The following ATP5F1D variants were observed in gnomAD, a reference collection of about 807,000 sequenced individuals.
ATP5F1D encodes ATP synthase F(1) complex subunit delta, mitochondrial.
Under a neutral mutation model 13.0 loss-of-function variants are expected in ATP5F1D, and 16 were observed. The observed-to-expected ratio is 1.23, with a 90% CI of 0.83 to 1.87. ATP5F1D has a LOEUF of 1.87. Among genes scored for constraint, ATP5F1D ranks in the 40% most tolerant of loss-of-function variants. The probability of loss-of-function intolerance (pLI) is 0.00; values close to 1 mark genes in which losing one functional copy is unlikely to be tolerated. For synonymous variants in ATP5F1D, 129 were observed against 116.2 expected, an observed-to-expected ratio of 1.11 and a Z score of -0.71; for missense variants, 294 against 246.2, an observed-to-expected ratio of 1.19 and a Z score of -1.30.
Position 1,242,545 on chromosome 19 carries a change from G to A in ATP5F1D, c.231G>A (p.Leu77=). 1 of 1,547,366 alleles carries A rather than the reference G, an allele frequency of 6.5e-7. No homozygotes were observed. The highest frequency in any genetic ancestry group is 8.7e-7 in the Non-Finnish European group (1 of 1,145,262). Reference sequence around the variant, plus strand: ...TCCTGGCGGCCCACGTGCCCACGCTGCAGGTCCTGCGGCCGGGGCTGGTCG... The same window carrying A: ...TCCTGGCGGCCCACGTGCCCACGCTACAGGTCCTGCGGCCGGGGCTGGTCG... ...FGILAAHVPT[L]QVLRPGLVVV... The change falls in exon 2 of 4, where the codon CTG becomes CTA. Residue 77 remains leucine, a synonymous_variant. Transcript: ENST00000215375.
chr19:1,242,798 C>T (rs550222756), intron 2 of ATP5F1D, 189 bp downstream of exon 2: 9 of 616,856 alleles, frequency 1.5e-5, no homozygotes, highest in Admixed American at 8.4e-5. Flanking sequence ...GGAGACCAGC[C>T]TGGCCAACAT....
chr19:1,243,684 G>T (rs920416131), intron 2 of ATP5F1D, among the ~76,000 whole-genome samples: 12 of 152,174 alleles, frequency 7.9e-5, no homozygotes, highest in African/African-American at 2.4e-4. Flanking sequence ...AACCATGTTG[G>T]GAGGGCTGAT....
chr19:1,241,981 C>A lies in ATP5F1D; in HGVS notation c.131C>A (p.Ser44Tyr). The A allele has an allele frequency of 6.8e-7, 1 of 1,464,872 alleles. No individual in the cohort carries two copies. Among genetic ancestry groups the A allele is most frequent in the Admixed American group, 2.3e-5 (1 of 42,616 alleles). 90.7% of individuals were successfully genotyped at this position (1,464,872 alleles called of 1,614,324 possible). The change falls in exon 1 of 4, where the codon TCT becomes TAT. Residue 44 changes from serine (S) to tyrosine (Y), a missense_variant. Transcript: ENST00000215375. Reference protein sequence around the residue: ...GPNQMSFTFASPTQVFFNGAN... With the variant: ...GPNQMSFTFAYPTQVFFNGAN... ...AACCAGATGTCCTTCACCTTCGCCT[C>A]TCCCACGCAGGTTCGGGCGCTGCGG...
rs2081037721 is a variant in ATP5F1D at position 1,241,754 on chromosome 19, C to T, written c.-97C>T. ...TCTCGCCGGGACTCCTCCTCCCAGA[C>T]GTCCCTGCGCGTCGTCCTCCTCGCC... On this transcript the variant is annotated 5_prime_UTR_variant, in exon 1 of 4. In the 5' UTR this introduces an upstream ATG that the reference lacks. Coordinates refer to ENST00000215375, the MANE Select transcript of ATP5F1D (RefSeq NM_001687.5). 8.2e-7 allele frequency: 1 copy of T among 1,215,162 alleles called. No homozygotes were observed. Among genetic ancestry groups the T allele is most frequent in the African/African-American group, 1.6e-5 (1 of 62,606 alleles). 75.3% of individuals were successfully genotyped at this position (1,215,162 alleles called of 1,614,324 possible). A position where few individuals can be genotyped will look rare whatever the true frequency, so the allele number is the denominator to read the frequency against.
rs985260640 is a variant in ATP5F1D, at chr19:1,241,837, C to G, written c.-14C>G. On this transcript the variant is annotated 5_prime_UTR_variant, in exon 1 of 4. Transcript: ENST00000215375. ...TGTCCGCCAGCTACCCGCTTCCTGC[C>G]GCCCGCCGCTGCCATGCTGCCCGCC... is the stretch of plus-strand genomic sequence containing the variant. The G allele has an allele frequency of 2.3e-6, 3 of 1,326,582 alleles. No individual in the cohort carries two copies. The highest frequency in any genetic ancestry group is 2.9e-6 in the Non-Finnish European group (3 of 1,043,074). The allele number at this position is 1,326,582 out of a possible 1,614,324, so 82.2% of individuals were successfully genotyped here.
At chr19:1,242,184 C>T in intron 1 of ATP5F1D, 193 bp downstream of exon 1, 1 of 847,790 alleles carries the variant, frequency 1.2e-6, no homozygotes, top group Non-Finnish European at 1.6e-6. Flanking sequence ...GGCACCTCCC[C>T]GAGATAAGCG....
chr19:1,244,425 G>C lies in ATP5F1D; in HGVS notation c.495G>C (p.Lys165Asn). Residue 165 changes from lysine (K) to asparagine (N), a missense_variant, in exon 4 of 4, where the codon AAG becomes AAC. Lys to Asn is a moderately conservative substitution (Grantham distance 94). Transcript: ENST00000215375. ...TCGAGGCCAACGAGGCCCTGGTGAA[G>C]GCCCTGGAGTAGGCGGTGCGTACCC... ...IRIEANEALVKALE is the reference protein window; with the variant it reads ...IRIEANEALVNALE 1 of 1,558,454 alleles carries C rather than the reference G, an allele frequency of 6.4e-7. No homozygotes were observed. The highest frequency in any genetic ancestry group is 1.2e-5 in the South Asian group (1 of 84,574).
At chr19:1,242,846 G>A in intron 2 of ATP5F1D, 1 of 371,848 alleles carries the variant, frequency 2.7e-6, no homozygotes, top group South Asian at 8.6e-5. Context: ...CAGAAAACTG[G>A]CCGGGTGCGG....
intron 2 of ATP5F1D, chr19:1,242,819 C>T (rs924964948): frequency 3.2e-5 from 15 of 471,500 alleles, no homozygotes; most frequent in Admixed American, 1.4e-4. Context: ...GATGTAACCC[C>T]GTCTCTTCTA....
At chr19:1,242,641 C>T in intron 2 of ATP5F1D, 32 bp downstream of exon 2, 1 of 1,461,950 alleles carries the variant, frequency 6.8e-7, no homozygotes, top group Non-Finnish European at 9.1e-7. Flanking sequence ...AGGGCCAGGC[C>T]AGGCTGGGGC....
Position 1,244,458 on chromosome 19 carries a change from C to T in ATP5F1D, c.*21C>T, listed in dbSNP as rs377518580. 769 of 1,545,126 alleles carry T rather than the reference C, an allele frequency of 5.0e-4. No individual in the cohort carries two copies. Among genetic ancestry groups the T allele is most frequent in the Non-Finnish European group, 6.2e-4 (705 of 1,143,664 alleles). ...AGTAGGCGGTGCGTACCCGGTGTCC[C>T]GAGGCCCGGCCAGGGGCTGGGCAGG... is the stretch of plus-strand genomic sequence containing the variant. On this transcript the variant is annotated 3_prime_UTR_variant, in exon 4 of 4. Transcript: ENST00000215375.
At position 1,242,321 on chromosome 19, in the gene ATP5F1D, C is replaced by T. The variant is rs1320169589; in HGVS notation, c.142-135C>T. On this transcript the variant is annotated intron_variant, in intron 1 of 3. Transcript: ENST00000215375. ...GGACCAAAGCTGCAACTTCGGATCCCTGCGCTGGGTTGTCTCAGTGCCTCA... is the reference window on the plus strand; with the variant it reads ...GGACCAAAGCTGCAACTTCGGATCCTTGCGCTGGGTTGTCTCAGTGCCTCA... 4 of 1,138,036 alleles carry T rather than the reference C, an allele frequency of 3.5e-6. No homozygotes were observed. The African/African-American group carries it at 6.5e-5, about 19-fold the overall frequency. 70.5% of individuals were successfully genotyped at this position (1,138,036 alleles called of 1,614,324 possible).
intron 1 of ATP5F1D, 51 bp from the exon 2 acceptor site, chr19:1,242,405 G>T: frequency 6.9e-7 from 1 of 1,446,892 alleles, no homozygotes; most frequent in Non-Finnish European, 9.2e-7. Flanking sequence ...AGTGCCCGGT[G>T]GGCGCGGGGC....
In ATP5F1D at chr19:1,244,480, C is replaced by A; in HGVS notation, c.*43C>A. The A allele has an allele frequency of 3.3e-6, 5 of 1,533,202 alleles. No homozygotes were observed. Among genetic ancestry groups the A allele is most frequent in the Non-Finnish European group, 4.4e-6 (5 of 1,136,416 alleles). 95.0% of individuals were successfully genotyped at this position (1,533,202 alleles called of 1,614,324 possible). A position where few individuals can be genotyped will look rare whatever the true frequency, so the allele number is the denominator to read the frequency against. On this transcript the variant is annotated 3_prime_UTR_variant, in exon 4 of 4. Transcript: ENST00000215375. Reference sequence around the variant, plus strand: ...TCCCGAGGCCCGGCCAGGGGCTGGGCAGGGATGCCAGGTGGGCCCAGCCAG... The same window carrying A: ...TCCCGAGGCCCGGCCAGGGGCTGGGAAGGGATGCCAGGTGGGCCCAGCCAG...
intron 1 of ATP5F1D, 162 bp from the exon 2 acceptor site, chr19:1,242,294 G>C (rs1423960189): frequency 1.1e-6 from 1 of 926,540 alleles, no homozygotes; most frequent in African/African-American, 1.7e-5. Flanking sequence ...CGCAACTGTT[G>C]AGGACCAAAG....
rs908088829 is a variant in ATP5F1D, at chr19:1,244,628, G to A, written c.*191G>A. On this transcript the variant is annotated 3_prime_UTR_variant, in exon 4 of 4. Coordinates refer to ENST00000215375, the MANE Select transcript of ATP5F1D (RefSeq NM_001687.5). ...TGAAAGCTCTGGGGACTGGGCCAGG[G>A]AAGCTCCTCCTCAGCTTTGAGCTGT... 8.9e-6 allele frequency: 8 copies of A among 894,444 alleles called. No homozygotes were observed. The highest frequency in any genetic ancestry group is 1.8e-5 in the South Asian group (1 of 55,446). The allele number at this position is 894,444 out of a possible 1,614,324, so 55.4% of individuals were successfully genotyped here.
chr19:1,243,036 G>C (rs576169310), intron 2 of ATP5F1D: 1 of 154,546 alleles, frequency 6.5e-6, no homozygotes, highest in East Asian at 1.9e-4. Context: ...TGAGGAGATT[G>C]TGCCACTGCA....
chr19:1,242,314 C>G (rs2145471632), intron 1 of ATP5F1D, 142 bp from the exon 2 acceptor site: 8 of 1,078,170 alleles, frequency 7.4e-6, no homozygotes, highest in Non-Finnish European at 8.7e-6. Flanking sequence ...GCTGCAACTT[C>G]GGATCCCTGC....
In ATP5F1D at chr19:1,241,751, A is replaced by C; in HGVS notation, c.-100A>C. On this transcript the variant is annotated 5_prime_UTR_variant, in exon 1 of 4. Transcript: ENST00000215375. ...CGCTCTCGCCGGGACTCCTCCTCCC[A>C]GACGTCCCTGCGCGTCGTCCTCCTC... 8.2e-7 allele frequency: 1 copy of C among 1,213,520 alleles called. No homozygotes were observed. The highest frequency in any genetic ancestry group is 1.0e-6 in the Non-Finnish European group (1 of 970,806). 75.2% of individuals were successfully genotyped at this position (1,213,520 alleles called of 1,614,324 possible).
Sources: allele counts gnomAD v4.1 joint callset (sites outside exome capture counted in the v4.1 genomes callset), GRCh38; gene constraint gnomAD v4.1.1; transcripts MANE v1.5; gene names NCBI Gene and HGNC (gene_info 2026-07-23, HGNC 2026-07-21).